TNNT2: variants seen among roughly 807,000 people sequenced by gnomAD.
The protein encoded by TNNT2 is troponin T, cardiac muscle.
In TNNT2, 34 loss-of-function variants were observed where a neutral mutation model predicts 62.4. The observed-to-expected ratio is 0.54, with a 90% CI of 0.41 to 0.72. The LOEUF (loss-of-function observed/expected upper bound fraction) is 0.72, where lower values mean the gene tolerates loss of function less well. Ranked by LOEUF, TNNT2 falls within the 30% of genes least tolerant of loss-of-function variation. The pLI is 0.00. For missense variants in TNNT2, 275 were observed against 381.9 expected (o/e 0.72, Z 2.33); for synonymous variants, 123 against 127.2 (o/e 0.97, Z 0.22).
chr1:201,377,539 G>A, intron 1 of TNNT2, 84 bp downstream of exon 1: 1 of 456,266 alleles, frequency 2.2e-6, no homozygotes, highest in Non-Finnish European at 4.4e-6. Flanking sequence ...CAGACTCTGG[G>A]TAAATATGCC....
intron 11 of TNNT2, chr1:201,363,895 T>C (rs866129211): frequency 5.4e-5 from 12 of 222,902 alleles, no homozygotes; most frequent in African/African-American, 2.6e-4. Flanking sequence ...TTTCCTTTTT[T>C]TTTTTTTTTG....
At chr1:201,373,434 G>C in intron 1 of TNNT2, 166 bp from the exon 2 acceptor site, 1 of 681,254 alleles carries the variant, frequency 1.5e-6, no homozygotes, top group Non-Finnish European at 2.6e-6. Flanking sequence ...TCCCCTGCTG[G>C]GGGAGATAGT....
chr1:201,365,393 T>C, intron 9 of TNNT2, 86 bp from the exon 10 acceptor site: 1 of 1,313,194 alleles, frequency 7.6e-7, no homozygotes. Flanking sequence ...CCCAACGCAG[T>C]GCAAAAGACC....
At chr1:201,376,000 G>A (rs1378666403) in intron 1 of TNNT2, among the ~76,000 whole-genome samples, 2 of 152,230 alleles carry the variant, frequency 1.3e-5, no homozygotes, top group Non-Finnish European at 2.9e-5. Context: ...GTGGCTCAAA[G>A]GCAGGACCTG....
chr1:201,363,232 T>C (rs774747672), intron 12 of TNNT2, 64 bp downstream of exon 12: 2 of 1,612,354 alleles, frequency 1.2e-6, no homozygotes, highest in African/African-American at 2.7e-5. Flanking sequence ...CCTGCTGCAG[T>C]GGACACCTCA....
chr1:201,364,911 C>T (rs1042868008), intron 10 of TNNT2, among the ~76,000 whole-genome samples: 3 of 152,088 alleles, frequency 2.0e-5, no homozygotes, highest in South Asian at 2.1e-4. Context: ...GTCCACAGCC[C>T]GGGCCTGAAT....
At chr1:201,363,079 C>A in intron 12 of TNNT2, 1 of 984,130 alleles carries the variant, frequency 1.0e-6, no homozygotes, top group Non-Finnish European at 1.2e-6. Context: ...CCAGGCTCTG[C>A]CTGTAGCCCC....
chr1:201,368,103 A>G (rs1282908306), intron 6 of TNNT2, 59 bp downstream of exon 6: 3 of 1,556,486 alleles, frequency 1.9e-6, no homozygotes, highest in Non-Finnish European at 2.7e-6. Context: ...TGCCTCAGGA[A>G]TGGCTCCAGG....
intron 11 of TNNT2, 170 bp downstream of exon 11, chr1:201,364,128 C>T: frequency 1.5e-6 from 1 of 666,876 alleles, no homozygotes; most frequent in Non-Finnish European, 2.6e-6. Flanking sequence ...AAGTGATCTA[C>T]CCGCCTTGGC....
At chr1:201,363,256 T>C (rs757467952) in intron 12 of TNNT2, 40 bp downstream of exon 12, 23 of 1,612,504 alleles carry the variant, frequency 1.4e-5, no homozygotes, top group Middle Eastern at 3.3e-4. Flanking sequence ...CTCAGGGCTA[T>C]ACTAGGATCT....
intron 16 of TNNT2, 95 bp downstream of exon 16, chr1:201,359,528 G>C: frequency 7.7e-7 from 1 of 1,306,108 alleles, no homozygotes; most frequent in Non-Finnish European, 1.1e-6. Context: ...GAAGGGCTGG[G>C]AGCCTGGGGC....
intron 4 of TNNT2, among the ~76,000 whole-genome samples, chr1:201,370,424 C>T (rs1660446683): frequency 6.6e-6 from 1 of 152,198 alleles, no homozygotes; most frequent in Admixed American, 6.5e-5. Context: ...GATGCTGCCC[C>T]ATCTAAGAAG....
At chr1:201,372,180 A>G (rs757748588) in intron 2 of TNNT2, 25 bp from the exon 3 acceptor site, 27 of 1,614,014 alleles carry the variant, frequency 1.7e-5, no homozygotes, top group Non-Finnish European at 2.1e-5. Context: ...AAACACTGTC[A>G]GTAGCTCGCA....
At chr1:201,368,563 T>C (rs928958298) in intron 5 of TNNT2, 3 of 461,506 alleles carry the variant, frequency 6.5e-6, no homozygotes, top group Admixed American at 2.4e-5. Flanking sequence ...GCTCCTGTCC[T>C]GAACCTAGTG....
intron 2 of TNNT2, among the ~76,000 whole-genome samples, chr1:201,372,609 C>A (rs1436493233): frequency 6.6e-6 from 1 of 152,200 alleles, no homozygotes; most frequent in Non-Finnish European, 1.5e-5. Context: ...CACACCAGGC[C>A]CCCAGTTGCT....
In TNNT2 at chr1:201,365,660, G is replaced by C. The variant is rs1396260543; in HGVS notation, c.244C>G (p.Pro82Ala). ...ESKPKPRSFM[P>A]NLVPPKIPDG... is the part of the protein sequence containing the mutation. ...GGGATCTTGGGAGGCACCAAGTTGG[G>C]CATGAACGACCTGTTGGAGAGAGGA... The change falls in exon 9 of 17, where the codon CCC (proline) becomes GCC (alanine). Residue 82 changes from proline (P) to alanine (A), a missense_variant. Coordinates refer to ENST00000656932, the MANE Select transcript of TNNT2 (RefSeq NM_001276345.2). The C allele has an allele frequency of 6.2e-7, 1 of 1,613,930 alleles. No homozygotes were observed.
At chr1:201,374,993 C>CA (rs900393356) in intron 1 of TNNT2, 1 of 152,620 alleles carries the variant, frequency 6.6e-6, no homozygotes, top group African/African-American at 2.4e-5. Context: ...CTGCCCCACT[C>CA]ACGCGTGCCA....
rs1660209599 is a variant in TNNT2, at chr1:201,369,281, T to G, written c.97+535A>C. On this transcript the variant is annotated intron_variant, in intron 5 of 16. Transcript: ENST00000656932. ...TAAGCCCTGGTCTCACTCCCTTGCC[T>G]TGGTCCTGTGCTCCCCATCAGCAGG... 6.4e-6 allele frequency: 3 copies of G among 472,390 alleles called. No individual in the cohort carries two copies. In the Admixed American group the frequency reaches 7.0e-5, roughly 11 times the overall value. 29.3% of individuals were successfully genotyped at this position (472,390 alleles called of 1,614,324 possible).
At chr1:201,361,472 C>G in intron 14 of TNNT2, 103 bp from the exon 15 acceptor site, 1 of 1,119,402 alleles carries the variant, frequency 8.9e-7, no homozygotes, top group Non-Finnish European at 1.4e-6. Context: ...CCCTCCTTCC[C>G]ACCTCCAGGC....
Sources: gnomAD v4.1 joint callset for allele counts (sites outside exome capture counted in the v4.1 genomes callset) on GRCh38, gnomAD v4.1.1 for gene constraint, MANE v1.5 for transcripts, NCBI Gene and HGNC (gene_info 2026-07-23, HGNC 2026-07-21) for gene names.